Variants in CDIN1 observed in about 807,000 individuals in gnomAD.
The protein encoded by CDIN1 is CDAN1 interacting nuclease 1.
A neutral mutation model predicts 45.3 loss-of-function variants in CDIN1; 33 were observed. The ratio of observed to expected loss-of-function variants is 0.73; its 90% CI spans 0.55 to 0.97. CDIN1 has a LOEUF of 0.97. CDIN1 is among the 50% of genes least tolerant of loss of function. CDIN1 has a pLI of 0.00. For synonymous variants in CDIN1, 118 were observed against 124.4 expected, an observed-to-expected ratio of 0.95 and a Z score of 0.34; for missense variants, 303 against 339.4, an observed-to-expected ratio of 0.89 and a Z score of 0.84.
chr15:36,641,426 C>G (rs1868771545), intron 1 of CDIN1: 1 of 152,242 alleles, frequency 6.6e-6, no homozygotes, highest in African/African-American at 2.4e-5. Flanking sequence ...TAGACTTGGA[C>G]AGGGCTTTAC....
At chr15:36,621,256 G>A (rs111658962) in intron 1 of CDIN1, among the ~76,000 whole-genome samples, 26 of 152,290 alleles carry the variant, frequency 1.7e-4, no homozygotes, top group African/African-American at 6.0e-4. Flanking sequence ...ATATATTAAA[G>A]TGAATGTAAA....
rs190995775 is a variant in CDIN1 at position 36,679,496 on chromosome 15, G to A, written c.347-12189G>A. ...CATGACTAGTAGCTGGAAGAGCCAGGCCTCGAACCAAGTCTGTCTGATTCT... is the reference window on the plus strand; with the variant it reads ...CATGACTAGTAGCTGGAAGAGCCAGACCTCGAACCAAGTCTGTCTGATTCT... On this transcript the variant is annotated intron_variant, in intron 5 of 10. Coordinates refer to ENST00000566621, the MANE Select transcript of CDIN1 (RefSeq NM_001321759.2). Among the ~76,000 whole-genome samples, 61 of 152,228 alleles carry A rather than the reference G, an allele frequency of 4.0e-4. No homozygotes were observed. In the East Asian group the frequency reaches 0.011, roughly 28 times the overall value.
intron 3 of CDIN1, among the ~76,000 whole-genome samples, chr15:36,653,470 A>AT (rs1162549656): frequency 6.6e-6 from 1 of 150,938 alleles, no homozygotes; most frequent in Non-Finnish European, 1.5e-5. Context: ...AAAAAAAAAA[A>AT]TCCCCCCAGC....
intron 10 of CDIN1, among the ~76,000 whole-genome samples, chr15:36,723,748 A>G (rs575045915): frequency 6.6e-6 from 1 of 152,324 alleles, no homozygotes; most frequent in African/African-American, 2.4e-5. Flanking sequence ...TCCTAATGCA[A>G]CAAGTTCTAG....
chr15:36,631,975 C>T (rs552546348), intron 1 of CDIN1, among the ~76,000 whole-genome samples: 4 of 152,108 alleles, frequency 2.6e-5, no homozygotes, highest in African/African-American at 7.2e-5. Flanking sequence ...GGACTACAGG[C>T]GTGCACCACC....
intron 5 of CDIN1, among the ~76,000 whole-genome samples, chr15:36,677,490 C>T (rs1030846485): frequency 1.3e-5 from 2 of 152,010 alleles, no homozygotes; most frequent in African/African-American, 2.4e-5. Flanking sequence ...TAGGGGTGAC[C>T]ACATGATGAG....
intron 5 of CDIN1, among the ~76,000 whole-genome samples, chr15:36,689,763 A>G (rs762431647): frequency 6.6e-5 from 10 of 152,068 alleles, no homozygotes; most frequent in Non-Finnish European, 1.2e-4. Context: ...TATTTTTACC[A>G]CTTATCAGTG....
At chr15:36,709,985 T>G in intron 10 of CDIN1, 24 bp downstream of exon 10, 2 of 1,543,440 alleles carry the variant, frequency 1.3e-6, no homozygotes, top group South Asian at 2.4e-5. Flanking sequence ...ATTTTTCTTT[T>G]AAGATAAACG....
chr15:36,767,768 T>C (rs948104935), intron 10 of CDIN1, among the ~76,000 whole-genome samples: 1 of 152,224 alleles, frequency 6.6e-6, no homozygotes, highest in African/African-American at 2.4e-5. Flanking sequence ...TAGAGTGAAC[T>C]TGAAATTCAA....
intron 10 of CDIN1, among the ~76,000 whole-genome samples, chr15:36,796,896 G>C (rs1358403400): frequency 6.6e-6 from 1 of 152,162 alleles, no homozygotes; most frequent in Non-Finnish European, 1.5e-5. Flanking sequence ...TCACATATTT[G>C]CATTTCCCTT....
At chr15:36,658,883 T>C (rs2140472203) in intron 5 of CDIN1, among the ~76,000 whole-genome samples, 1 of 152,350 alleles carries the variant, frequency 6.6e-6, no homozygotes, top group Non-Finnish European at 1.5e-5. Flanking sequence ...GAAGGTTTCA[T>C]TTGAATGAAT....
At chr15:36,617,240 G>A in intron 1 of CDIN1, 1 of 891,210 alleles carries the variant, frequency 1.1e-6, no homozygotes, top group Non-Finnish European at 1.9e-6. Flanking sequence ...GCCACATCGG[G>A]TGCTCATCCT....
At position 36,808,608 on chromosome 15, in the gene CDIN1, C is replaced by A; in HGVS notation, c.*155C>A. 2 of 1,021,594 alleles carry A rather than the reference C, an allele frequency of 2.0e-6. No individual in the cohort carries two copies. The highest frequency in any genetic ancestry group is 2.6e-5 in the East Asian group (1 of 37,786). 63.3% of individuals were successfully genotyped at this position (1,021,594 alleles called of 1,614,324 possible). On this transcript the variant is annotated 3_prime_UTR_variant, in exon 11 of 11. Coordinates refer to ENST00000566621, the MANE Select transcript of CDIN1 (RefSeq NM_001321759.2). ...CCACTACCTCTTTAGACAAACATATCAAGAGTTTCTGTTTTCCTTCATCCC... is the reference window on the plus strand; with the variant it reads ...CCACTACCTCTTTAGACAAACATATAAAGAGTTTCTGTTTTCCTTCATCCC...
intron 10 of CDIN1, chr15:36,798,514 T>G (rs2054896247): frequency 2.0e-5 from 3 of 152,210 alleles, no homozygotes; most frequent in African/African-American, 7.2e-5. Flanking sequence ...ACCAAAGCAT[T>G]GTGTCACATT....
At chr15:36,612,248 T>C (rs1486592432) in intron 1 of CDIN1, among the ~76,000 whole-genome samples, 2 of 152,162 alleles carry the variant, frequency 1.3e-5, no homozygotes, top group East Asian at 3.9e-4. Flanking sequence ...TCTCTCTTCT[T>C]CAGGATCCTT....
At chr15:36,757,829 A>G (rs538420137) in intron 10 of CDIN1, among the ~76,000 whole-genome samples, 1 of 151,840 alleles carries the variant, frequency 6.6e-6, no homozygotes, top group African/African-American at 2.4e-5. Flanking sequence ...ACCTCACTTC[A>G]TCTCATCATG....
At chr15:36,780,818 G>T (rs768231976) in intron 10 of CDIN1, among the ~76,000 whole-genome samples, 4 of 152,128 alleles carry the variant, frequency 2.6e-5, no homozygotes, top group Non-Finnish European at 5.9e-5. Flanking sequence ...GTAAGTGGCC[G>T]AGCTAGGAAT....
intron 10 of CDIN1, among the ~76,000 whole-genome samples, chr15:36,759,940 C>T (rs2053713769): frequency 6.6e-6 from 1 of 152,150 alleles, no homozygotes; most frequent in African/African-American, 2.4e-5. Flanking sequence ...CACCTCCCAC[C>T]AGGCCCCACC....
chr15:36,616,336 G>A (rs930938831), intron 1 of CDIN1, among the ~76,000 whole-genome samples: 1 of 150,852 alleles, frequency 6.6e-6, no homozygotes, highest in African/African-American at 2.4e-5. Context: ...AGGCTGGAGT[G>A]CAATGGCACA....
Sources: allele counts gnomAD v4.1 joint callset (sites outside exome capture counted in the v4.1 genomes callset), GRCh38; gene constraint gnomAD v4.1.1; transcripts MANE v1.5; gene names NCBI Gene and HGNC (gene_info 2026-07-23, HGNC 2026-07-21).